TSPAN18: variants seen among roughly 807,000 people sequenced by gnomAD.
TSPAN18 encodes the protein tetraspanin 18.
Under a neutral mutation model 27.3 loss-of-function variants are expected in TSPAN18, and 14 were observed. The observed-to-expected ratio is 0.51, with a 90% CI of 0.34 to 0.80. The LOEUF is 0.80. TSPAN18 is among the 30% of genes least tolerant of loss of function. The probability of loss-of-function intolerance (pLI) is 0.01; values close to 1 mark genes in which losing one functional copy is unlikely to be tolerated. For synonymous variants in TSPAN18, 143 were observed against 136.5 expected (o/e 1.05, Z -0.33); for missense variants, 268 against 323.9 (o/e 0.83, Z 1.32).
At chr11:44,808,915 G>C (rs1856658502) in intron 2 of TSPAN18, among the ~76,000 whole-genome samples, 1 of 152,122 alleles carries the variant, frequency 6.6e-6, no homozygotes, top group Non-Finnish European at 1.5e-5. Context: ...TGTCATCCTT[G>C]AACTTTGTGC....
At chr11:44,750,536 T>G (rs955462403) in intron 1 of TSPAN18, among the ~76,000 whole-genome samples, 1 of 152,194 alleles carries the variant, frequency 6.6e-6, no homozygotes, top group Non-Finnish European at 1.5e-5. Flanking sequence ...GTAGGGGATC[T>G]TAAGAGTCCT....
intron 5 of TSPAN18, among the ~76,000 whole-genome samples, chr11:44,911,472 T>C (rs1859711124): frequency 6.6e-6 from 1 of 152,132 alleles, no homozygotes; most frequent in Non-Finnish European, 1.5e-5. Flanking sequence ...CACTGCAGAC[T>C]TCATTTGAAG....
At chr11:44,861,691 C>T (rs1308868659) in intron 3 of TSPAN18, among the ~76,000 whole-genome samples, 1 of 151,598 alleles carries the variant, frequency 6.6e-6, no homozygotes, top group Admixed American at 6.6e-5. Flanking sequence ...CAGGTGGTCG[C>T]ATGTGTCCCA....
At chr11:44,913,501 CA>C (rs1338225252) in intron 5 of TSPAN18, among the ~76,000 whole-genome samples, 5 of 151,968 alleles carry the variant, frequency 3.3e-5, no homozygotes, top group Admixed American at 2.0e-4. Context: ...TTTTTTAAGC[CA>C]ACTTATTTAA....
chr11:44,865,593 C>T (rs1858014972), intron 3 of TSPAN18, among the ~76,000 whole-genome samples: 1 of 152,242 alleles, frequency 6.6e-6, no homozygotes, highest in Non-Finnish European at 1.5e-5. Flanking sequence ...GCAAATTCCT[C>T]TTCCCTCCAC....
intron 2 of TSPAN18, among the ~76,000 whole-genome samples, chr11:44,812,083 C>A (rs1232535493): frequency 6.6e-6 from 1 of 152,222 alleles, no homozygotes; most frequent in Non-Finnish European, 1.5e-5. Flanking sequence ...AACACGCTTA[C>A]CTCCCAGGTC....
At chr11:44,912,853 G>A (rs1284589038) in intron 5 of TSPAN18, among the ~76,000 whole-genome samples, 1 of 148,098 alleles carries the variant, frequency 6.8e-6, no homozygotes, top group Non-Finnish European at 1.5e-5. Context: ...TGTGTGCGTG[G>A]GTGCACATAT....
chr11:44,865,905 G>A (rs1858023417), intron 3 of TSPAN18, among the ~76,000 whole-genome samples: 1 of 152,234 alleles, frequency 6.6e-6, no homozygotes, highest in African/African-American at 2.4e-5. Context: ...ACTCTATGGG[G>A]TCTCAGAGTC....
chr11:44,783,923 G>A (rs573883360), intron 2 of TSPAN18, among the ~76,000 whole-genome samples: 6 of 152,202 alleles, frequency 3.9e-5, no homozygotes, highest in Admixed American at 6.5e-5. Flanking sequence ...CACCCCTCTC[G>A]TCTCAGGGCT....
intron 2 of TSPAN18, among the ~76,000 whole-genome samples, chr11:44,777,019 C>G (rs1379644868): frequency 2.0e-4 from 30 of 152,350 alleles, no homozygotes; most frequent in East Asian, 1.9e-4. Flanking sequence ...TTACCCCTCT[C>G]TGGGTGCTTC....
intron 1 of TSPAN18, among the ~76,000 whole-genome samples, chr11:44,738,518 T>TA (rs1474970419): frequency 3.9e-5 from 6 of 152,242 alleles, no homozygotes; most frequent in Admixed American, 3.9e-4. Flanking sequence ...TTAATTCATG[T>TA]AATATTTGTT....
chr11:44,807,505 G>C (rs1856624058), intron 2 of TSPAN18, among the ~76,000 whole-genome samples: 2 of 116,032 alleles, frequency 1.7e-5, no homozygotes, highest in African/African-American at 7.0e-5. Flanking sequence ...TCCAGCATAG[G>C]CACAAGAGTG....
chr11:44,864,599 G>A (rs967219496), intron 3 of TSPAN18, among the ~76,000 whole-genome samples: 1 of 152,192 alleles, frequency 6.6e-6, no homozygotes, highest in Admixed American at 6.5e-5. Flanking sequence ...CCTAAGGCCT[G>A]GGTGAAATGC....
chr11:44,793,811 A>G (rs1309220347), intron 2 of TSPAN18, among the ~76,000 whole-genome samples: 1 of 152,150 alleles, frequency 6.6e-6, no homozygotes, highest in Non-Finnish European at 1.5e-5. Context: ...CCATTTGACA[A>G]CTGCCCATGA....
intron 2 of TSPAN18, among the ~76,000 whole-genome samples, chr11:44,808,298 TC>T (rs1474494002): frequency 6.6e-6 from 1 of 152,200 alleles, no homozygotes; most frequent in African/African-American, 2.4e-5. Flanking sequence ...ACCATCTTCC[TC>T]CAGCATCTTG....
chr11:44,920,114 G>C, intron 8 of TSPAN18, 115 bp downstream of exon 8: 2 of 1,105,974 alleles, frequency 1.8e-6, no homozygotes, highest in Non-Finnish European at 2.5e-6. Context: ...GAATCCCAGG[G>C]AAGTGTTGGC....
At chr11:44,811,290 C>T (rs1226980730) in intron 2 of TSPAN18, among the ~76,000 whole-genome samples, 2 of 151,754 alleles carry the variant, frequency 1.3e-5, no homozygotes, top group Non-Finnish European at 2.9e-5. Context: ...TGTTTTGTTT[C>T]GTTTTGTTTT....
rs1860517967 is a variant in TSPAN18, at chr11:44,930,369, A to T, written c.*1191A>T. The T allele has an allele frequency of 6.2e-6, 1 of 161,244 alleles. No individual in the cohort carries two copies. The highest frequency in any genetic ancestry group is 6.2e-5 in the Admixed American group (1 of 16,254). 10.0% of individuals were successfully genotyped at this position (161,244 alleles called of 1,614,324 possible). On this transcript the variant is annotated 3_prime_UTR_variant, in exon 10 of 10. Transcript: ENST00000520358. ...CTTTAGCATCAGCTTAATACACAGA[A>T]GAGGTTTCTGTTTTTCTGTGGCTCT...
At chr11:44,832,272 T>C (rs907651303) in intron 2 of TSPAN18, among the ~76,000 whole-genome samples, 7 of 152,202 alleles carry the variant, frequency 4.6e-5, no homozygotes, top group African/African-American at 1.7e-4. Context: ...TCAGTATGCA[T>C]TCTGCATCTT....
Sources: gnomAD v4.1 joint callset for allele counts (sites outside exome capture counted in the v4.1 genomes callset) on GRCh38, gnomAD v4.1.1 for gene constraint, MANE v1.5 for transcripts, NCBI Gene and HGNC (gene_info 2026-07-23, HGNC 2026-07-21) for gene names.